The following RHOU variants were observed in gnomAD, a reference collection of about 807,000 sequenced individuals.
RHOU encodes the protein rho-related GTP-binding protein RhoU.
A neutral mutation model predicts 12.6 loss-of-function variants in RHOU; 8 were observed. The ratio of observed to expected loss-of-function variants is 0.64; its 90% CI spans 0.37 to 1.15. The LOEUF is 1.15. RHOU is among the 50% of genes most tolerant of loss of function. The probability of loss-of-function intolerance (pLI) is 0.01; values close to 1 mark genes in which losing one functional copy is unlikely to be tolerated. For missense variants in RHOU, 258 were observed against 347.0 expected, an observed-to-expected ratio of 0.74 and a Z score of 2.04; for synonymous variants, 161 against 147.4, an observed-to-expected ratio of 1.09 and a Z score of -0.67.
chr1:228,717,960 G>C, the RHOU span, among the ~76,000 whole-genome samples: 1 of 152,188 alleles, frequency 6.6e-6, no homozygotes, highest in African/African-American at 2.4e-5. Context: ...GAATATAAAG[G>C]ATAGGACATA....
the RHOU span, among the ~76,000 whole-genome samples, chr1:228,680,600 T>C: frequency 2.6e-5 from 4 of 152,148 alleles, no homozygotes; most frequent in Non-Finnish European, 5.9e-5. Context: ...TAATTCCTGT[T>C]GTGGGGTTTG....
chr1:228,646,764 G>A, the RHOU span, among the ~76,000 whole-genome samples: 2 of 152,146 alleles, frequency 1.3e-5, no homozygotes, highest in Admixed American at 6.5e-5. Context: ...GTTCGTTCTC[G>A]TTCCGGAACC....
rs1481494866 is a variant in RHOU at position 228,745,115 on chromosome 1, A to C, written c.*1375A>C. ...GCGGGGCGTGTAGCCAGCCAGGTGC[A>C]TGCCGGGACCATGGCCCCCATACTT... is the stretch of plus-strand genomic sequence containing the variant. On this transcript the variant is annotated 3_prime_UTR_variant, in exon 3 of 3. Coordinates refer to ENST00000366691, the MANE Select transcript of RHOU (RefSeq NM_021205.6). 6.6e-6 allele frequency: 1 copy of C among 152,242 alleles called. No homozygotes were observed. The highest frequency in any genetic ancestry group is 1.5e-5 in the Non-Finnish European group (1 of 68,048). The allele number at this position is 152,242 out of a possible 1,614,324, so 9.4% of individuals were successfully genotyped here. A position where few individuals can be genotyped will look rare whatever the true frequency, so the allele number is the denominator to read the frequency against.
chr1:228,691,716 A>G, the RHOU span, among the ~76,000 whole-genome samples: 1 of 152,226 alleles, frequency 6.6e-6, no homozygotes, highest in Non-Finnish European at 1.5e-5. Flanking sequence ...ATCTATGTAC[A>G]GATTTTGTGT....
chr1:228,667,406 A>C, the RHOU span, among the ~76,000 whole-genome samples: 3 of 152,196 alleles, frequency 2.0e-5, no homozygotes, highest in South Asian at 6.2e-4. Flanking sequence ...TTGAAAGGCA[A>C]ACTTAGACAC....
chr1:228,646,890 GGAGA>G, the RHOU span, among the ~76,000 whole-genome samples: 359 of 152,084 alleles, frequency 2.4e-3, 3 homozygotes, highest in Middle Eastern at 0.024. Flanking sequence ...ACCGAGGGAG[GGAGA>G]GAGACAGCGA....
chr1:228,648,665 C>A, the RHOU span, among the ~76,000 whole-genome samples: 4 of 152,154 alleles, frequency 2.6e-5, no homozygotes, highest in East Asian at 7.7e-4. Context: ...CTTGACATAC[C>A]TGAATTGTTT....
chr1:228,668,102 C>T, the RHOU span, among the ~76,000 whole-genome samples: 1 of 152,194 alleles, frequency 6.6e-6, no homozygotes, highest in Non-Finnish European at 1.5e-5. Context: ...GTAATGGAAG[C>T]TCCATAAGAC....
chr1:228,657,470 C>G, the RHOU span, among the ~76,000 whole-genome samples: 27 of 151,886 alleles, frequency 1.8e-4, no homozygotes, highest in Admixed American at 1.8e-3. Flanking sequence ...TTTAAAATAA[C>G]AAGATAATGT....
chr1:228,713,808 T>C, the RHOU span, among the ~76,000 whole-genome samples: 1 of 152,170 alleles, frequency 6.6e-6, no homozygotes. Flanking sequence ...AGCAGTCTTA[T>C]AGAACTGACC....
the RHOU span, chr1:228,651,409 A>G: frequency 1.3e-5 from 2 of 154,776 alleles, no homozygotes; most frequent in Middle Eastern, 9.6e-4. Flanking sequence ...GCCCAGCCCC[A>G]AGAGCAGCTA....
the RHOU span, among the ~76,000 whole-genome samples, chr1:228,707,473 A>C: frequency 6.6e-6 from 1 of 151,396 alleles, no homozygotes; most frequent in East Asian, 1.9e-4. Flanking sequence ...GAACGGGCAG[A>C]CTGCCTCCTC....
At chr1:228,713,687 C>G in the RHOU span, among the ~76,000 whole-genome samples, 1 of 152,098 alleles carries the variant, frequency 6.6e-6, no homozygotes, top group Non-Finnish European at 1.5e-5. Context: ...ATGAGCCACT[C>G]TAGCAAATTA....
At chr1:228,691,485 C>T in the RHOU span, among the ~76,000 whole-genome samples, 1 of 110,996 alleles carries the variant, frequency 9.0e-6, no homozygotes, top group Non-Finnish European at 1.7e-5. Context: ...TTGTCTTTTT[C>T]AGAATAGCAT....
chr1:228,693,655 A>G, the RHOU span, among the ~76,000 whole-genome samples: 1 of 151,968 alleles, frequency 6.6e-6, no homozygotes, highest in Non-Finnish European at 1.5e-5. Flanking sequence ...TTCAGTAGAG[A>G]CGGGCTTTCA....
At chr1:228,650,834 A>G in the RHOU span, 313 of 412,982 alleles carry the variant, frequency 7.6e-4, 4 homozygotes, top group South Asian at 6.0e-3. Flanking sequence ...CAAGCTATAC[A>G]TCACAGCCCA....
chr1:228,677,807 AGCCACT>A, the RHOU span, among the ~76,000 whole-genome samples: 1 of 152,194 alleles, frequency 6.6e-6, no homozygotes, highest in South Asian at 2.1e-4. Context: ...TAAAACCAGG[AGCCACT>A]AAATACCAAG....
chr1:228,660,050 A>C, the RHOU span, among the ~76,000 whole-genome samples: 1 of 151,846 alleles, frequency 6.6e-6, no homozygotes, highest in East Asian at 1.9e-4. Context: ...GCTACTCAGG[A>C]GGCTGAGGTA....
chr1:228,658,226 G>C, the RHOU span, among the ~76,000 whole-genome samples: 1 of 146,164 alleles, frequency 6.8e-6, no homozygotes, highest in East Asian at 2.1e-4. Flanking sequence ...GCTGCAGTGA[G>C]CCATGATCAG....
Sources: allele counts gnomAD v4.1 joint callset (sites outside exome capture counted in the v4.1 genomes callset), GRCh38; gene constraint gnomAD v4.1.1; transcripts MANE v1.5; gene names NCBI Gene and HGNC (gene_info 2026-07-23, HGNC 2026-07-21).